CALD1: variants seen among roughly 807,000 people sequenced by gnomAD.
CALD1 encodes caldesmon 1, also known as caldesmon.
In CALD1, 33 loss-of-function variants were observed where a neutral mutation model predicts 99.9. That is an observed-to-expected ratio of 0.33 (90% CI 0.25 to 0.44). The LOEUF is 0.44. Ranked by LOEUF, CALD1 falls within the 20% of genes least tolerant of loss-of-function variation. The probability of loss-of-function intolerance (pLI) is 1.00; values close to 1 mark genes in which losing one functional copy is unlikely to be tolerated. For missense variants in CALD1, 861 were observed against 962.1 expected (o/e 0.89, Z 1.39); for synonymous variants, 310 against 325.0 (o/e 0.95, Z 0.50).
At position 134,797,678 on chromosome 7, in the gene CALD1, C is replaced by T. The variant is rs112969032; in HGVS notation, c.-130+17929C>T. On this transcript the variant is annotated intron_variant, in intron 1 of 14. Coordinates refer to ENST00000361675, the MANE Select transcript of CALD1 (RefSeq NM_033138.4). ...CGCAATCTGGGCTCACTGCAACCTC[C>T]GCCTCCTGGGTTCAAGCAATTTTCC... Among the ~76,000 whole-genome samples the T allele has an allele frequency of 7.0e-3, 1,066 of 152,182 alleles. 20 individuals are homozygous for T. Among genetic ancestry groups the T allele is most frequent in the African/African-American group, 0.024 (1,003 of 41,498 alleles).
chr7:134,836,549 A>G (rs1799449025), intron 1 of CALD1, among the ~76,000 whole-genome samples: 2 of 152,158 alleles, frequency 1.3e-5, no homozygotes, highest in South Asian at 2.1e-4. Flanking sequence ...TATTATCTAC[A>G]CTAGGTCTTT....
chr7:134,737,845 T>C, the CALD1 span, among the ~76,000 whole-genome samples: 1 of 152,240 alleles, frequency 6.6e-6, no homozygotes, highest in Non-Finnish European at 1.5e-5. Flanking sequence ...TTCCAAAATA[T>C]TATTAGCCAG....
At chr7:134,889,636 C>CA (rs1287954301) in intron 3 of CALD1, among the ~76,000 whole-genome samples, 1 of 152,142 alleles carries the variant, frequency 6.6e-6, no homozygotes, top group Non-Finnish European at 1.5e-5. Context: ...GAAAGAGAAG[C>CA]AGCAGAATGC....
At chr7:134,862,785 C>T (rs890980505) in intron 2 of CALD1, among the ~76,000 whole-genome samples, 1 of 152,194 alleles carries the variant, frequency 6.6e-6, no homozygotes, top group African/African-American at 2.4e-5. Context: ...CACACTACTG[C>T]AAGATGTTCC....
At chr7:134,898,552 T>C (rs922824743) in intron 3 of CALD1, among the ~76,000 whole-genome samples, 3 of 152,068 alleles carry the variant, frequency 2.0e-5, no homozygotes, top group Non-Finnish European at 4.4e-5. Context: ...TTCCCTTAAA[T>C]ACTTTTTTTT....
chr7:134,907,007 C>T (rs1350372617), intron 3 of CALD1, among the ~76,000 whole-genome samples: 2 of 152,180 alleles, frequency 1.3e-5, no homozygotes, highest in African/African-American at 4.8e-5. Context: ...ATTTCCTCAA[C>T]TATGAAATAG....
At chr7:134,878,138 T>C (rs888125817) in intron 3 of CALD1, among the ~76,000 whole-genome samples, 1 of 152,120 alleles carries the variant, frequency 6.6e-6, no homozygotes, top group African/African-American at 2.4e-5. Flanking sequence ...AAATTTGAAA[T>C]GAGATCATAC....
chr7:134,770,001 CT>C (rs1281452388), intron 1 of CALD1, among the ~76,000 whole-genome samples: 1 of 152,108 alleles, frequency 6.6e-6, no homozygotes, highest in Non-Finnish European at 1.5e-5. Flanking sequence ...TCTCTTTTCC[CT>C]TTGTAGATGG....
At chr7:134,773,999 T>A (rs1209463886) in intron 1 of CALD1, among the ~76,000 whole-genome samples, 1 of 151,950 alleles carries the variant, frequency 6.6e-6, no homozygotes, top group East Asian at 1.9e-4. Flanking sequence ...GGAAACCCCG[T>A]CTCTACTAAA....
intron 3 of CALD1, among the ~76,000 whole-genome samples, chr7:134,916,687 T>A (rs746920404): frequency 7.9e-5 from 12 of 152,360 alleles, no homozygotes; most frequent in Non-Finnish European, 1.5e-4. Flanking sequence ...ACTCGCAGGC[T>A]TATAATCTCC....
At chr7:134,956,648 T>C (rs1355883818) in intron 9 of CALD1, among the ~76,000 whole-genome samples, 1 of 152,186 alleles carries the variant, frequency 6.6e-6, no homozygotes, top group Non-Finnish European at 1.5e-5. Flanking sequence ...ACCCAGTCTA[T>C]GGTAATTTCT....
rs183693369 is a variant in CALD1 at position 134,772,447 on chromosome 7, T to C, written c.-130+28084T>C. Among the ~76,000 whole-genome samples the C allele has an allele frequency of 2.0e-5, 3 of 152,332 alleles. No homozygotes were observed. The East Asian group carries it at 5.8e-4, about 29-fold the overall frequency. The stretch of plus-strand genomic sequence containing the variant: ...ACGAGCCTAAACAACATACTAATTC[T>C]GCTATTTATTACATTTTCAATAGTA... On this transcript the variant is annotated intron_variant, in intron 1 of 13. Transcript: ENST00000417172.
At chr7:134,863,032 A>G (rs1285669683) in intron 2 of CALD1, among the ~76,000 whole-genome samples, 5 of 151,984 alleles carry the variant, frequency 3.3e-5, no homozygotes, top group Non-Finnish European at 7.4e-5. Flanking sequence ...TCTTCACATT[A>G]TCTCCCCTCT....
At chr7:134,891,746 A>T (rs1468282630) in intron 3 of CALD1, 305 of 8,976 alleles carry the variant, frequency 0.034, no homozygotes, top group East Asian at 0.11. Context: ...GAATTGTTGT[A>T]AAAAAAAAAA....
At chr7:134,900,811 C>G (rs988506599) in intron 3 of CALD1, among the ~76,000 whole-genome samples, 1 of 152,064 alleles carries the variant, frequency 6.6e-6, no homozygotes, top group African/African-American at 2.4e-5. Flanking sequence ...CATCTTTTCC[C>G]TTTCCCTCTG....
chr7:134,875,982 G>A (rs980184199), intron 3 of CALD1, among the ~76,000 whole-genome samples: 5 of 152,182 alleles, frequency 3.3e-5, no homozygotes, highest in African/African-American at 1.2e-4. Context: ...CATTAGGACA[G>A]GGACTTAGTC....
At chr7:134,719,357 G>A in the CALD1 span, among the ~76,000 whole-genome samples, 1 of 152,148 alleles carries the variant, frequency 6.6e-6, no homozygotes, top group Non-Finnish European at 1.5e-5. Flanking sequence ...TAGAGGGCTG[G>A]GGTCCCTACA....
At chr7:134,735,037 T>C in the CALD1 span, 1 of 238,582 alleles carries the variant, frequency 4.2e-6, no homozygotes, top group Non-Finnish European at 8.4e-6. Context: ...CATGCCCTCA[T>C]GTACCAATGC....
At chr7:134,754,517 A>G (rs1796711399) in intron 1 of CALD1, among the ~76,000 whole-genome samples, 1 of 152,242 alleles carries the variant, frequency 6.6e-6, no homozygotes, top group Non-Finnish European at 1.5e-5. Context: ...CACTGCTGAT[A>G]TCCATGTATA....
Sources: allele counts gnomAD v4.1 joint callset (sites outside exome capture counted in the v4.1 genomes callset), GRCh38; gene constraint gnomAD v4.1.1; transcripts MANE v1.5; gene names NCBI Gene and HGNC (gene_info 2026-07-23, HGNC 2026-07-21).